Variants in PRSS36 observed in about 807,000 individuals in gnomAD.
PRSS36 encodes the protein polyserase-2.
In PRSS36, 90 loss-of-function variants were observed where a neutral mutation model predicts 94.3. The ratio of observed to expected loss-of-function variants is 0.95; its 90% CI spans 0.80 to 1.14. The LOEUF is 1.14. PRSS36 is among the 50% of genes most tolerant of loss of function. PRSS36 has a pLI of 0.00. For synonymous variants in PRSS36, 500 were observed against 489.6 expected, an observed-to-expected ratio of 1.02 and a Z score of -0.28; for missense variants, 1,158 against 1,135.0, an observed-to-expected ratio of 1.02 and a Z score of -0.29.
At position 31,141,921 on chromosome 16, in the gene PRSS36, TC is replaced by T. The variant is rs1379878638; in HGVS notation, c.1560del (p.Thr521ProfsTer33). 1.9e-6 allele frequency: 3 copies of T among 1,613,914 alleles called. No homozygotes were observed. The highest frequency in any genetic ancestry group is 1.7e-5 in the Admixed American group (1 of 59,996). On this transcript the variant is annotated frameshift_variant, in exon 11 of 15. Coordinates refer to ENST00000268281, the MANE Select transcript of PRSS36 (RefSeq NM_173502.5). LOFTEE classifies it high-confidence loss of function. Reference protein sequence around the residue: ...SRWSLLCQEEGTWFLAGIRDF... With the variant: ...SRWSLLCQEEXTWFLAGIRDF... ...TCTCTGATTCCAGCCAGAAACCAGG[TC>T]CCCTCCTCCTGGCACAAAAGGCTCC...
chr16:31,142,789 T>G lies in PRSS36; in HGVS notation c.1305A>C (p.Glu435Asp), dbSNP rs2057728957. 6.7e-7 allele frequency: 1 copy of G among 1,484,982 alleles called. No homozygotes were observed. Among genetic ancestry groups the G allele is most frequent in the African/African-American group, 1.5e-5 (1 of 68,656 alleles). The allele number at this position is 1,484,982 out of a possible 1,614,324, so 92.0% of individuals were successfully genotyped here. A position where few individuals can be genotyped will look rare whatever the true frequency, so the allele number is the denominator to read the frequency against. The change falls in exon 9 of 15, where the codon GAA becomes GAC. Residue 435 changes from glutamate to aspartate, a missense_variant. Glu to Asp is a conservative substitution (Grantham distance 45). Transcript: ENST00000268281. ...ASRPVCLPHP[E>D]HYFLPGSRCR... The stretch of plus-strand genomic sequence containing the variant: ...AGCGGCTCCCGGGCAGGAAGTAGTG[T>G]TCCGGGTGGGGTAGGCACACGGGCC...
Position 31,149,449 on chromosome 16 carries a change from G to C in PRSS36, c.109+14C>G. ...CTCCTTTAAGGTCTGAGGGTGCCAAGGCCTCTTCCTTACCCAGATCTTCAG... is the reference window on the plus strand; with the variant it reads ...CTCCTTTAAGGTCTGAGGGTGCCAACGCCTCTTCCTTACCCAGATCTTCAG... On this transcript the variant is annotated intron_variant, in intron 3 of 14. Transcript: ENST00000268281. 1 of 1,614,052 alleles carries C rather than the reference G, an allele frequency of 6.2e-7. No homozygotes were observed. Among genetic ancestry groups the C allele is most frequent in the Non-Finnish European group, 8.5e-7 (1 of 1,179,946 alleles).
chr16:31,139,202 T>G lies in PRSS36; in HGVS notation c.2504A>C (p.Lys835Thr). Residue 835 changes from lysine (K) to threonine (T), a missense_variant, in exon 15 of 15, where the codon AAG becomes ACG. Lys to Thr is a moderately conservative substitution (Grantham distance 78). Coordinates refer to ENST00000268281, the MANE Select transcript of PRSS36 (RefSeq NM_173502.5). ...GSNLCPPELA[K>T]ASGSPHAVYF... Reference sequence around the variant, plus strand: ...GACTGCATGCGGGGATCCCGAGGCCTTGGCCAGTTCTGGGGGGCAGAGATT... The same window carrying G: ...GACTGCATGCGGGGATCCCGAGGCCGTGGCCAGTTCTGGGGGGCAGAGATT... 1 of 1,611,226 alleles carries G rather than the reference T, an allele frequency of 6.2e-7. No homozygotes were observed. Among genetic ancestry groups the G allele is most frequent in the Non-Finnish European group, 8.5e-7 (1 of 1,178,090 alleles).
At chr16:31,143,159 C>G (rs564291035) in intron 8 of PRSS36, among the ~76,000 whole-genome samples, 166 bp from the exon 9 acceptor site, 2 of 152,108 alleles carry the variant, frequency 1.3e-5, no homozygotes, top group Non-Finnish European at 2.9e-5. Flanking sequence ...GATCGAACTT[C>G]TATCTACCAT....
intron 6 of PRSS36, among the ~76,000 whole-genome samples, chr16:31,144,825 C>T (rs150063768): frequency 7.9e-5 from 12 of 152,240 alleles, no homozygotes; most frequent in African/African-American, 2.6e-4. Flanking sequence ...TGGTGGCTCA[C>T]GCCTGTAATC....
chr16:31,143,365 C>G lies in PRSS36; in HGVS notation c.1077G>C (p.Leu359Phe), dbSNP rs758192405. 6.2e-7 allele frequency: 1 copy of G among 1,608,056 alleles called. No homozygotes were observed. Among genetic ancestry groups the G allele is most frequent in the Non-Finnish European group, 8.5e-7 (1 of 1,177,534 alleles). Residue 359 changes from leucine to phenylalanine, a missense_variant, in exon 8 of 15, where the codon TTG becomes TTC. Coordinates refer to ENST00000268281, the MANE Select transcript of PRSS36 (RefSeq NM_173502.5). ...ACTCCAGAAAGCAGCTGGCAGGTGCCAAGACCCAGCTTTCAGACACCAGCG... is the reference window on the plus strand; with the variant it reads ...ACTCCAGAAAGCAGCTGGCAGGTGCGAAGACCCAGCTTTCAGACACCAGCG... ...HGALVSESWV[L>F]APASCFLDPN... is the part of the protein sequence containing the mutation.
At chr16:31,140,249 C>T in intron 14 of PRSS36, 45 bp downstream of exon 14, 1 of 1,559,488 alleles carries the variant, frequency 6.4e-7, no homozygotes, top group Non-Finnish European at 8.7e-7. Context: ...AGTAGTCCAA[C>T]ACTGCCTCTC....
At chr16:31,145,242 G>A (rs1271327727) in intron 6 of PRSS36, among the ~76,000 whole-genome samples, 5 of 147,906 alleles carry the variant, frequency 3.4e-5, no homozygotes, top group Admixed American at 2.7e-4. Flanking sequence ...GCGTCGTGGC[G>A]GGCATCTGTG....
chr16:31,148,447 G>A lies in PRSS36; in HGVS notation c.501C>T (p.Phe167=), dbSNP rs947441042. The A allele has an allele frequency of 1.3e-6, 2 of 1,574,080 alleles. No individual in the cohort carries two copies. Among genetic ancestry groups the A allele is most frequent in the African/African-American group, 2.7e-5 (2 of 73,930 alleles). Residue 167 remains phenylalanine, a synonymous_variant, in exon 5 of 15, where the codon TTC becomes TTT. Transcript: ENST00000268281. ...PVCLPRASHR[F]VHGTACWATG... Reference sequence around the variant, plus strand: ...TGGCCCAGCAGGCGGTGCCGTGCACGAAGCGGTGTGAGGCGCGGGGCAGGC... The same window carrying A: ...TGGCCCAGCAGGCGGTGCCGTGCACAAAGCGGTGTGAGGCGCGGGGCAGGC...
At chr16:31,142,094 C>A in intron 10 of PRSS36, 134 bp from the exon 11 acceptor site, 1 of 743,184 alleles carries the variant, frequency 1.3e-6, no homozygotes, top group Non-Finnish European at 2.3e-6. Context: ...AATCAGACTC[C>A]AAATACTAAT....
chr16:31,146,542 T>C (rs989537152), intron 5 of PRSS36, among the ~76,000 whole-genome samples: 10 of 152,232 alleles, frequency 6.6e-5, no homozygotes, highest in Non-Finnish European at 1.5e-4. Flanking sequence ...AGTTCAGTTC[T>C]GATCTCACCA....
intron 10 of PRSS36, 149 bp downstream of exon 10, chr16:31,142,332 C>G: frequency 1.1e-6 from 1 of 939,638 alleles, no homozygotes; most frequent in Non-Finnish European, 1.5e-6. Flanking sequence ...TCCCCAGGCC[C>G]CGCTCCCTCC....
intron 8 of PRSS36, among the ~76,000 whole-genome samples, 146 bp downstream of exon 8, chr16:31,143,179 CACCCCTGCCAGGCCAGG>C (rs1051165171): frequency 8.5e-5 from 13 of 152,128 alleles, no homozygotes; most frequent in Non-Finnish European, 1.8e-4. Flanking sequence ...TGCCTCTACC[CACCCCTGCCAGGCCAGG>C]ACCCCTCTTT....
rs772729642 is a variant in PRSS36, at chr16:31,149,979, C to G, written c.37+20G>C. 6.2e-7 allele frequency: 1 copy of G among 1,613,608 alleles called. No individual in the cohort carries two copies. The highest frequency in any genetic ancestry group is 8.5e-7 in the Non-Finnish European group (1 of 1,179,746). ...CCAGGACCCAGGCCCTTTGCAGCCA[C>G]TCTTGTCCCCTGAGGTTACCAAGCA... On this transcript the variant is annotated intron_variant, in intron 1 of 14. Transcript: ENST00000268281.
Position 31,143,692 on chromosome 16 carries a change from T to A in PRSS36, c.866A>T (p.Gln289Leu). 1 of 1,614,162 alleles carries A rather than the reference T, an allele frequency of 6.2e-7. No individual in the cohort carries two copies. Among genetic ancestry groups the A allele is most frequent in the Non-Finnish European group, 8.5e-7 (1 of 1,180,030 alleles). ...VATYEAWIRE[Q>L]VMGSEPGPAF... ...AGGCCCAGGCTCTGAACCCATCACC[T>A]GCTCCCGTATCCATGCCTCATAGGT... is the stretch of plus-strand genomic sequence containing the variant. Residue 289 changes from glutamine to leucine, a missense_variant, in exon 7 of 15, where the codon CAG (glutamine) becomes CTG (leucine). Physicochemically the swap from Gln to Leu is moderately radical, Grantham distance 113. Transcript: ENST00000268281.
At position 31,143,824 on chromosome 16, in the gene PRSS36, C is replaced by A. The variant is rs1200048366; in HGVS notation, c.734G>T (p.Gly245Val). The A allele has an allele frequency of 1.9e-6, 3 of 1,613,390 alleles. No homozygotes were observed. Among genetic ancestry groups the A allele is most frequent in the Middle Eastern group, 1.6e-4 (1 of 6,084 alleles). Residue 245 changes from glycine (G) to valine (V), a missense_variant, in exon 7 of 15, where the codon GGG (glycine) becomes GTG (valine). By Grantham distance (109) the Gly-to-Val change is moderately radical. Coordinates refer to ENST00000268281, the MANE Select transcript of PRSS36 (RefSeq NM_173502.5). ...GCCGCCTTCCTCACAGACCAGGGGC[C>A]CCCCAGAGTCACCCTAGTGGCAGAT... The part of the protein sequence containing the change: ...RRDTCQGDSG[G>V]PLVCEEGGRW...
chr16:31,141,697 C>T, intron 11 of PRSS36, 26 bp downstream of exon 11: 2 of 1,608,042 alleles, frequency 1.2e-6, no homozygotes, highest in Non-Finnish European at 1.7e-6. Context: ...CCAGGAGCCC[C>T]TAGGGCCCAA....
intron 5 of PRSS36, among the ~76,000 whole-genome samples, chr16:31,147,772 G>C (rs1007688340): frequency 1.3e-5 from 2 of 152,176 alleles, no homozygotes; most frequent in Non-Finnish European, 2.9e-5. Context: ...ATGATGGTGG[G>C]TAGGAAGAAG....
Position 31,145,940 on chromosome 16 carries a change from G to A in PRSS36, c.569C>T (p.Pro190Leu), listed in dbSNP as rs752534801. ...DVQEADPLPLPWVLQEVELRL... is the reference protein window; with the variant it reads ...DVQEADPLPLLWVLQEVELRL... Reference sequence around the variant, plus strand: ...TAGCTCCACTTCCTGTAGCACCCAGGGGAGAGGCAGAGGATCTGGAGGCAG... The same window carrying A: ...TAGCTCCACTTCCTGTAGCACCCAGAGGAGAGGCAGAGGATCTGGAGGCAG... The change falls in exon 6 of 15, where the codon CCC (proline) becomes CTC (leucine). Residue 190 changes from proline to leucine, a missense_variant. Pro to Leu is a moderately conservative substitution (Grantham distance 98, BLOSUM62 -3). Transcript: ENST00000268281. 1.9e-6 allele frequency: 3 copies of A among 1,612,650 alleles called. No individual in the cohort carries two copies. The highest frequency in any genetic ancestry group is 2.5e-6 in the Non-Finnish European group (3 of 1,179,334).
Sources: gnomAD v4.1 joint callset for allele counts (sites outside exome capture counted in the v4.1 genomes callset) on GRCh38, gnomAD v4.1.1 for gene constraint, MANE v1.5 for transcripts, NCBI Gene and HGNC (gene_info 2026-07-23, HGNC 2026-07-21) for gene names.